Variants in ACLY observed in about 807,000 individuals in gnomAD.
ACLY encodes ATP citrate lyase.
Under a neutral mutation model 133.0 loss-of-function variants are expected in ACLY, and 41 were observed. The observed-to-expected ratio is 0.31, with a 90% CI of 0.24 to 0.40. ACLY has a LOEUF of 0.40. Among genes scored for constraint, ACLY ranks in the 10% least tolerant of loss-of-function variants. The pLI, the probability that ACLY is intolerant of heterozygous loss-of-function variation, is 1.00. For missense variants in ACLY, 1,046 were observed against 1,453.8 expected (o/e 0.72, Z 4.56); for synonymous variants, 495 against 549.3 (o/e 0.90, Z 1.38).
At chr17:41,899,594 T>C (rs534309713) in intron 11 of ACLY, among the ~76,000 whole-genome samples, 25 of 152,088 alleles carry the variant, frequency 1.6e-4, no homozygotes, top group Non-Finnish European at 3.7e-4. Flanking sequence ...CACTCTCCCA[T>C]GCCACGCTCC....
intron 23 of ACLY, among the ~76,000 whole-genome samples, chr17:41,873,325 G>A (rs996757428): frequency 2.0e-5 from 3 of 152,000 alleles, no homozygotes; most frequent in Admixed American, 6.6e-5. Context: ...GATTACAGGC[G>A]TGCACCACTA....
At chr17:41,886,025 C>T in intron 18 of ACLY, 87 bp downstream of exon 18, 2 of 1,347,638 alleles carry the variant, frequency 1.5e-6, no homozygotes, top group Non-Finnish European at 2.1e-6. Context: ...AACTCAGGGG[C>T]AGCAAGCAGC....
intron 17 of ACLY, 109 bp from the exon 18 acceptor site, chr17:41,886,417 G>A: frequency 4.4e-6 from 5 of 1,127,226 alleles, no homozygotes; most frequent in Non-Finnish European, 6.2e-6. Flanking sequence ...AGGCTGGGGA[G>A]AGAATGACCA....
At chr17:41,919,126 C>CG (rs1325291827), upstream of ACLY, 4 of 1,136,662 alleles carry the variant, frequency 3.5e-6, no homozygotes, top group Non-Finnish European at 4.4e-6. Context: ...GGGCGGGCCC[C>CG]GGGGCCTGCT....
intron 14 of ACLY, among the ~76,000 whole-genome samples, chr17:41,894,158 A>G (rs2049294442): frequency 6.6e-6 from 1 of 150,440 alleles, no homozygotes; most frequent in Non-Finnish European, 1.5e-5. Context: ...CAGAGGTTGC[A>G]GTGAGCCGAG....
At chr17:41,873,228 G>A (rs2048644555) in intron 23 of ACLY, among the ~76,000 whole-genome samples, 1 of 148,142 alleles carries the variant, frequency 6.8e-6, no homozygotes, top group Non-Finnish European at 1.5e-5. Flanking sequence ...TGCTCAGGCT[G>A]GAGTGCAATG....
At chr17:41,912,311 A>G in intron 3 of ACLY, 109 bp downstream of exon 3, 1 of 1,456,616 alleles carries the variant, frequency 6.9e-7, no homozygotes, top group Non-Finnish European at 9.3e-7. Context: ...GCCTTCCCTG[A>G]GCTACAATGA....
chr17:41,898,913 C>T, intron 11 of ACLY, 128 bp from the exon 12 acceptor site: 1 of 866,306 alleles, frequency 1.2e-6, no homozygotes, highest in South Asian at 1.8e-5. Flanking sequence ...GACCAATATC[C>T]AGGACAAATC....
chr17:41,927,683 G>A (rs797027598), intron 1 of ACLY, among the ~76,000 whole-genome samples: 15 of 152,048 alleles, frequency 9.9e-5, no homozygotes, highest in Admixed American at 2.6e-4. Flanking sequence ...AAAATTAGCC[G>A]GGCATGGTGG....
chr17:41,909,144 A>G, intron 5 of ACLY, 76 bp from the exon 6 acceptor site: 1 of 1,122,470 alleles, frequency 8.9e-7, no homozygotes, highest in Non-Finnish European at 1.3e-6. Context: ...CCCCGCAGCA[A>G]TCTCTCACTG....
At chr17:41,904,614 C>T in intron 10 of ACLY, 115 bp downstream of exon 10, 1 of 987,628 alleles carries the variant, frequency 1.0e-6, no homozygotes, top group Non-Finnish European at 1.6e-6. Context: ...AGCTCCCTAC[C>T]TGACCTGGGA....
At chr17:41,869,685 A>T in intron 25 of ACLY, 98 bp from the exon 26 acceptor site, 1 of 1,018,696 alleles carries the variant, frequency 9.8e-7, no homozygotes, top group Non-Finnish European at 1.5e-6. Flanking sequence ...GACATATCCC[A>T]GCGGCGATTC....
intron 23 of ACLY, among the ~76,000 whole-genome samples, chr17:41,873,569 C>CT (rs2144211069): frequency 6.6e-6 from 1 of 152,364 alleles, no homozygotes; most frequent in South Asian, 2.1e-4. Context: ...TGCCTAACCT[C>CT]TATCTTGCTG....
chr17:41,881,565 T>C (rs1331032436), intron 20 of ACLY, among the ~76,000 whole-genome samples: 1 of 152,118 alleles, frequency 6.6e-6, no homozygotes, highest in African/African-American at 2.4e-5. Context: ...TACAACAACC[T>C]TGCGGCATGG....
At position 41,909,498 on chromosome 17, in the gene ACLY, C is replaced by T; in HGVS notation, c.536+12G>A. On this transcript the variant is annotated intron_variant, in intron 5 of 28. Coordinates refer to ENST00000352035, the MANE Select transcript of ACLY (RefSeq NM_001096.3). ...CCGAACTGCCACCTCCCTACCGTCC[C>T]TCTCACTCAACTCTTTCTTGTCTTC... is the stretch of plus-strand genomic sequence containing the variant. The T allele has an allele frequency of 6.2e-7, 1 of 1,612,756 alleles. No homozygotes were observed. Among genetic ancestry groups the T allele is most frequent in the Non-Finnish European group, 8.5e-7 (1 of 1,178,960 alleles).
Position 41,907,459 on chromosome 17 carries a change from G to C in ACLY, c.730C>G (p.Arg244Gly). 6.3e-7 allele frequency: 1 copy of C among 1,590,656 alleles called. No homozygotes were observed. Among genetic ancestry groups the C allele is most frequent in the Non-Finnish European group, 8.6e-7 (1 of 1,166,086 alleles). ...GDIEFPPPFG[R>G]EAYPEEAYIA... ...AGCCTTACCTCTGGATATGCCTCCC[G>C]CCCGAAGGGGGGAGGGAACTCGATG... Residue 244 changes from arginine to glycine, a missense_variant, in exon 7 of 29, where the codon CGG becomes GGG. By Grantham distance (125) the Arg-to-Gly change is moderately radical. This residue lies in a region of ACLY where 575 missense variants were observed against 804.2 expected (regional missense o/e 0.71). Transcript: ENST00000352035.
At chr17:41,922,025 T>A (rs1243930787), upstream of ACLY, among the ~76,000 whole-genome samples, 1 of 151,590 alleles carries the variant, frequency 6.6e-6, no homozygotes, top group Non-Finnish European at 1.5e-5. Context: ...GCAAAACCCA[T>A]CTCTACTAAA....
intron 6 of ACLY, among the ~76,000 whole-genome samples, 174 bp downstream of exon 6, chr17:41,908,811 CTTCT>C: frequency 6.6e-6 from 1 of 152,172 alleles, no homozygotes; most frequent in Admixed American, 6.5e-5. Context: ...GAACTACAGT[CTTCT>C]GAGAGCTCAG....
intron 21 of ACLY, among the ~76,000 whole-genome samples, 191 bp from the exon 22 acceptor site, chr17:41,878,387 C>G (rs1172190724): frequency 6.6e-6 from 1 of 152,182 alleles, no homozygotes; most frequent in Non-Finnish European, 1.5e-5. Context: ...CCTACTACCT[C>G]ATGTCCCAAT....
Sources: allele counts gnomAD v4.1 joint callset (sites outside exome capture counted in the v4.1 genomes callset), GRCh38; gene constraint gnomAD v4.1.1; regional missense constraint gnomAD v4.1.1; transcripts MANE v1.5; gene names NCBI Gene and HGNC (gene_info 2026-07-23, HGNC 2026-07-21).